Variants in RBFOX1 observed in about 807,000 individuals in gnomAD.
RBFOX1 encodes RNA binding protein fox-1 homolog 1.
In RBFOX1, 8 loss-of-function variants were observed where a neutral mutation model predicts 57.7. The ratio of observed to expected loss-of-function variants is 0.14; its 90% CI spans 0.08 to 0.25. The LOEUF is 0.25. Ranked by LOEUF, RBFOX1 falls within the 10% of genes least tolerant of loss-of-function variation. RBFOX1 has a pLI of 1.00. For missense variants in RBFOX1, 611 were observed against 548.5 expected (o/e 1.11, Z -1.14); for synonymous variants, 326 against 222.4 (o/e 1.47, Z -4.15).
At chr16:5,511,071 C>T (rs535946305) in intron 2 of RBFOX1, among the ~76,000 whole-genome samples, 108 of 151,944 alleles carry the variant, frequency 7.1e-4, no homozygotes, top group South Asian at 4.2e-3. Flanking sequence ...TGCAATTGGC[C>T]GTGAAAAAAA....
intron 1 of RBFOX1, among the ~76,000 whole-genome samples, chr16:6,285,888 G>A (rs569694404): frequency 6.6e-6 from 1 of 152,112 alleles, no homozygotes; most frequent in Non-Finnish European, 1.5e-5. Flanking sequence ...AAGAAGGAAC[G>A]CAACAATAAA....
chr16:5,841,580 G>A (rs1012852504), intron 3 of RBFOX1, among the ~76,000 whole-genome samples: 3 of 152,164 alleles, frequency 2.0e-5, no homozygotes, highest in Admixed American at 6.5e-5. Flanking sequence ...GCAACCATTT[G>A]TTTAGCATAA....
intron 1 of RBFOX1, among the ~76,000 whole-genome samples, chr16:6,313,343 G>A (rs534321079): frequency 1.3e-5 from 2 of 152,304 alleles, no homozygotes; most frequent in African/African-American, 4.8e-5. Context: ...CATTTTGTAA[G>A]GGTCACACTC....
intron 1 of RBFOX1, among the ~76,000 whole-genome samples, chr16:6,155,237 C>T (rs1289891715): frequency 6.6e-6 from 1 of 152,158 alleles, no homozygotes; most frequent in Non-Finnish European, 1.5e-5. Context: ...CTGGGGCATC[C>T]AGGAGACAAG....
At chr16:6,744,670 G>C (rs2073142444) in intron 3 of RBFOX1, among the ~76,000 whole-genome samples, 1 of 152,034 alleles carries the variant, frequency 6.6e-6, no homozygotes, top group African/African-American at 2.4e-5. Context: ...AGACATATCA[G>C]ATTTTGCGTA....
At chr16:6,950,072 G>C (rs9938223) in intron 3 of RBFOX1, among the ~76,000 whole-genome samples, 1 of 149,916 alleles carries the variant, frequency 6.7e-6, no homozygotes, top group Non-Finnish European at 1.5e-5. Context: ...TCAGCCTCCC[G>C]AGTAGCTAGG....
intron 3 of RBFOX1, among the ~76,000 whole-genome samples, chr16:6,727,787 G>A (rs2067592453): frequency 6.6e-6 from 1 of 152,124 alleles, no homozygotes; most frequent in African/African-American, 2.4e-5. Flanking sequence ...TGTTTTGTCA[G>A]GCATTTGAGG....
intron 5 of RBFOX1, among the ~76,000 whole-genome samples, chr16:7,575,187 T>C (rs919350534): frequency 1.3e-5 from 2 of 152,044 alleles, no homozygotes; most frequent in African/African-American, 4.8e-5. Context: ...CAGGCTGGAG[T>C]GCAGTGGCAC....
intron 3 of RBFOX1, among the ~76,000 whole-genome samples, chr16:5,807,990 G>C (rs1454727904): frequency 1.3e-5 from 2 of 152,168 alleles, no homozygotes; most frequent in African/African-American, 4.8e-5. Context: ...CCTTCTTGCT[G>C]TGTCTCCTGA....
chr16:6,147,234 G>C (rs561308229), intron 1 of RBFOX1, among the ~76,000 whole-genome samples: 21 of 152,274 alleles, frequency 1.4e-4, no homozygotes, highest in African/African-American at 3.1e-4. Context: ...TGCTCTCTTA[G>C]CGTCCTCTGC....
chr16:5,477,316 G>A (rs1186300961), intron 2 of RBFOX1, among the ~76,000 whole-genome samples: 3 of 152,164 alleles, frequency 2.0e-5, no homozygotes, highest in South Asian at 4.1e-4. Context: ...CACTCAATGC[G>A]CTGCTACGTT....
intron 2 of RBFOX1, among the ~76,000 whole-genome samples, chr16:6,441,125 T>C (rs802319): frequency 0.057 from 8,619 of 152,072 alleles, 681 homozygotes; most frequent in African/African-American, 0.17. Flanking sequence ...GTTGCTCTCA[T>C]TGAGGAGGAT....
chr16:6,827,877 C>T (rs539614161), intron 3 of RBFOX1, among the ~76,000 whole-genome samples: 2 of 152,342 alleles, frequency 1.3e-5, no homozygotes, highest in Admixed American at 6.5e-5. Flanking sequence ...CTGGGCTATT[C>T]TCCTGGGAGG....
intron 3 of RBFOX1, among the ~76,000 whole-genome samples, chr16:7,040,682 T>TTG (rs1338019207): frequency 6.6e-6 from 1 of 152,164 alleles, no homozygotes; most frequent in African/African-American, 2.4e-5. Context: ...TGTGTGTACC[T>TTG]TGTGTGTGTG....
At chr16:7,192,231 T>C (rs560720488) in intron 4 of RBFOX1, among the ~76,000 whole-genome samples, 41 of 152,344 alleles carry the variant, frequency 2.7e-4, no homozygotes, top group African/African-American at 9.9e-4. Context: ...ATTTTATTGT[T>C]TTAGCCTCTT....
At chr16:5,767,440 A>C (rs1015015429) in intron 3 of RBFOX1, among the ~76,000 whole-genome samples, 2 of 152,134 alleles carry the variant, frequency 1.3e-5, no homozygotes, top group African/African-American at 4.8e-5. Flanking sequence ...TCAGCTGGGG[A>C]GAGGTGGGTG....
chr16:7,389,958 G>A (rs2097965002), intron 4 of RBFOX1, among the ~76,000 whole-genome samples: 1 of 152,252 alleles, frequency 6.6e-6, no homozygotes, highest in East Asian at 1.9e-4. Context: ...AAAGGAAAGA[G>A]GTTTAATTGG....
chr16:6,680,661 C>G (rs1223637395), intron 3 of RBFOX1, among the ~76,000 whole-genome samples: 1 of 152,102 alleles, frequency 6.6e-6, no homozygotes, highest in Non-Finnish European at 1.5e-5. Context: ...TTTTAGTTTT[C>G]CACTATCAAA....
intron 2 of RBFOX1, among the ~76,000 whole-genome samples, chr16:5,583,722 C>T (rs1209879869): frequency 1.3e-5 from 2 of 152,124 alleles, no homozygotes; most frequent in African/African-American, 2.4e-5. Flanking sequence ...TTAGGATTGT[C>T]TCATTTTAGG....
Sources: allele counts gnomAD v4.1 joint callset (sites outside exome capture counted in the v4.1 genomes callset), GRCh38; gene constraint gnomAD v4.1.1; transcripts MANE v1.5; gene names NCBI Gene and HGNC (gene_info 2026-07-23, HGNC 2026-07-21).